Variants in CPA6 observed in about 807,000 individuals in gnomAD.
CPA6 encodes carboxypeptidase A6.
A neutral mutation model predicts 63.3 loss-of-function variants in CPA6; 58 were observed. The observed-to-expected ratio is 0.92, with a 90% CI of 0.74 to 1.14. CPA6 has a LOEUF of 1.14. CPA6 is among the 50% of genes most tolerant of loss of function. The probability of loss-of-function intolerance (pLI) is 0.00; values close to 1 mark genes in which losing one functional copy is unlikely to be tolerated. For synonymous variants in CPA6, 185 were observed against 179.0 expected (o/e 1.03, Z -0.27); for missense variants, 565 against 526.6 (o/e 1.07, Z -0.71).
chr8:67,430,970 T>G (rs1316242469), intron 9 of CPA6, among the ~76,000 whole-genome samples: 1 of 152,066 alleles, frequency 6.6e-6, no homozygotes, highest in Non-Finnish European at 1.5e-5. Context: ...CAAGCAATCC[T>G]CTCACCTCTG....
chr8:67,536,173 G>T (rs544348828), intron 2 of CPA6, among the ~76,000 whole-genome samples: 95 of 152,180 alleles, frequency 6.2e-4, no homozygotes, highest in Middle Eastern at 6.8e-3. Context: ...TGTCTTGGTT[G>T]TGTGGGCTCT....
intron 1 of CPA6, among the ~76,000 whole-genome samples, chr8:67,724,081 T>A (rs1390211011): frequency 2.0e-5 from 3 of 152,136 alleles, no homozygotes; most frequent in Non-Finnish European, 4.4e-5. Context: ...ATTAAAAATT[T>A]AAAAAAACCC....
intron 2 of CPA6, among the ~76,000 whole-genome samples, chr8:67,518,862 C>G (rs1372221617): frequency 6.6e-6 from 1 of 152,092 alleles, no homozygotes; most frequent in Non-Finnish European, 1.5e-5. Flanking sequence ...ATGCCTTTCT[C>G]CAATTCCTAC....
chr8:67,582,667 A>G (rs1813806974), intron 2 of CPA6, among the ~76,000 whole-genome samples: 1 of 152,142 alleles, frequency 6.6e-6, no homozygotes, highest in Non-Finnish European at 1.5e-5. Flanking sequence ...ATGACTAATA[A>G]TTTTTGTTAG....
At chr8:67,479,923 A>G (rs1049321930) in intron 8 of CPA6, among the ~76,000 whole-genome samples, 4 of 151,816 alleles carry the variant, frequency 2.6e-5, no homozygotes, top group Non-Finnish European at 4.4e-5. Context: ...TCTTCACTCC[A>G]GATGATCTAC....
At chr8:67,468,012 C>T (rs1201213861) in intron 8 of CPA6, among the ~76,000 whole-genome samples, 1 of 151,026 alleles carries the variant, frequency 6.6e-6, no homozygotes, top group African/African-American at 2.4e-5. Flanking sequence ...GAGCCAAGAT[C>T]ATGCCACTGC....
chr8:67,521,861 C>G (rs1216082248), intron 2 of CPA6, among the ~76,000 whole-genome samples: 1 of 152,204 alleles, frequency 6.6e-6, no homozygotes, highest in Non-Finnish European at 1.5e-5. Flanking sequence ...ACGATCTGAT[C>G]TAGGTTCCCA....
At chr8:67,484,853 G>T in intron 6 of CPA6, 64 bp from the exon 7 acceptor site, 1 of 866,948 alleles carries the variant, frequency 1.2e-6, no homozygotes, top group Non-Finnish European at 1.9e-6. Context: ...AAGAGTGTGA[G>T]ATATCCTTTC....
chr8:67,484,685 C>A lies in CPA6; in HGVS notation c.741G>T (p.Trp247Cys). The change falls in exon 7 of 11, where the codon TGG (tryptophan) becomes TGT (cysteine). Residue 247 changes from tryptophan to cysteine, a missense_variant. Transcript: ENST00000297770. ...GGTAGGCAAAGTGACTTACATTGGT[C>A]CAACTAAAATGGTATCCATCGACGT... Reference protein sequence around the residue: ...VFNVDGYHFSWTNDRFWRKTR... With the variant: ...VFNVDGYHFSCTNDRFWRKTR... The A allele has an allele frequency of 6.4e-7, 1 of 1,551,698 alleles. No homozygotes were observed. The highest frequency in any genetic ancestry group is 8.9e-7 in the Non-Finnish European group (1 of 1,125,340).
chr8:67,594,655 C>T (rs1814243853), intron 2 of CPA6, among the ~76,000 whole-genome samples: 1 of 152,294 alleles, frequency 6.6e-6, no homozygotes, highest in African/African-American at 2.4e-5. Flanking sequence ...GATACCCTTT[C>T]TTCCAGTTGA....
At chr8:67,630,914 C>A (rs1402480126) in intron 1 of CPA6, among the ~76,000 whole-genome samples, 8 of 152,394 alleles carry the variant, frequency 5.2e-5, no homozygotes, top group Non-Finnish European at 1.0e-4. Context: ...AGTGCCGGCC[C>A]ACTGGTGCCA....
chr8:67,581,771 ATAT>A (rs1339289255), intron 2 of CPA6, among the ~76,000 whole-genome samples: 1 of 152,210 alleles, frequency 6.6e-6, no homozygotes, highest in East Asian at 1.9e-4. Flanking sequence ...AATGGTCAAA[ATAT>A]TATGCTTTGT....
chr8:67,740,839 G>A (rs764755780), intron 1 of CPA6, among the ~76,000 whole-genome samples: 12 of 152,036 alleles, frequency 7.9e-5, no homozygotes, highest in Non-Finnish European at 1.6e-4. Context: ...CAAAGTGCTG[G>A]GATTACAGAC....
chr8:67,573,675 G>A (rs530991137), intron 2 of CPA6, among the ~76,000 whole-genome samples: 57 of 151,832 alleles, frequency 3.8e-4, no homozygotes, highest in Non-Finnish European at 1.3e-4. Flanking sequence ...GGCGGATCAC[G>A]AGGTCAGGAG....
At chr8:67,514,883 A>G (rs1812111253) in intron 3 of CPA6, among the ~76,000 whole-genome samples, 1 of 152,256 alleles carries the variant, frequency 6.6e-6, no homozygotes, top group Admixed American at 6.5e-5. Flanking sequence ...CAGTAGGAAC[A>G]ATAGTTTTAT....
intron 1 of CPA6, among the ~76,000 whole-genome samples, chr8:67,673,449 T>C (rs1816397678): frequency 6.6e-6 from 1 of 150,542 alleles, no homozygotes; most frequent in African/African-American, 2.4e-5. Flanking sequence ...AGTGGCGCGA[T>C]CTGGGCTCAT....
At chr8:67,445,996 G>A (rs949064478) in intron 8 of CPA6, among the ~76,000 whole-genome samples, 20 of 152,168 alleles carry the variant, frequency 1.3e-4, no homozygotes, top group Admixed American at 3.3e-4. Context: ...CGGGGGCGGT[G>A]GCTCACGCCT....
intron 2 of CPA6, among the ~76,000 whole-genome samples, chr8:67,600,261 C>T (rs894546062): frequency 8.3e-5 from 11 of 132,554 alleles, no homozygotes; most frequent in Non-Finnish European, 1.2e-4. Flanking sequence ...AAGCCAGGCA[C>T]AAAAAGACAA....
chr8:67,745,083 A>G (rs1254532905), intron 1 of CPA6, among the ~76,000 whole-genome samples: 4 of 152,176 alleles, frequency 2.6e-5, no homozygotes, highest in Non-Finnish European at 5.9e-5. Flanking sequence ...GACACTGTAC[A>G]CTACCTTGTC....
Sources: allele counts gnomAD v4.1 joint callset (sites outside exome capture counted in the v4.1 genomes callset), GRCh38; gene constraint gnomAD v4.1.1; transcripts MANE v1.5; gene names NCBI Gene and HGNC (gene_info 2026-07-23, HGNC 2026-07-21).